Variants in PTPRG observed in about 807,000 individuals in gnomAD.
PTPRG encodes the protein receptor-type tyrosine-protein phosphatase gamma.
In PTPRG, 102 loss-of-function variants were observed where a neutral mutation model predicts 165.3. The ratio of observed to expected loss-of-function variants is 0.62; its 90% CI spans 0.53 to 0.73. The LOEUF is 0.73. Among genes scored for constraint, PTPRG ranks in the 30% least tolerant of loss-of-function variants. The pLI is 0.00. For synonymous variants in PTPRG, 675 were observed against 669.5 expected (o/e 1.01, Z -0.13); for missense variants, 1,866 against 1,861.4 (o/e 1.00, Z -0.05).
At chr3:62,061,317 G>A (rs1700802513) in intron 4 of PTPRG, among the ~76,000 whole-genome samples, 1 of 152,144 alleles carries the variant, frequency 6.6e-6, no homozygotes, top group South Asian at 2.1e-4. Flanking sequence ...GAGCAGGACT[G>A]TATTTAAGGT....
At chr3:61,893,795 G>T (rs564469764) in intron 2 of PTPRG, among the ~76,000 whole-genome samples, 1 of 152,300 alleles carries the variant, frequency 6.6e-6, no homozygotes, top group African/African-American at 2.4e-5. Flanking sequence ...CAGTTGGTAT[G>T]GTTAGGGAAC....
At chr3:62,281,540 T>TTTTTTTTTTTTTTTTTTTTTTTTTTTG in intron 26 of PTPRG, 23 bp from the exon 27 acceptor site, 1 of 1,227,132 alleles carries the variant, frequency 8.1e-7, no homozygotes, top group Non-Finnish European at 1.1e-6. Flanking sequence ...TGCAGAGGCT[T>TTTTTTTTTTTTTTTTTTTTTTTTTTTG]TTTTTTTTTT....
chr3:61,969,811 G>T (rs943202747), intron 2 of PTPRG, among the ~76,000 whole-genome samples: 18 of 152,110 alleles, frequency 1.2e-4, no homozygotes, highest in Non-Finnish European at 2.6e-4. Context: ...GGGGAGGAGG[G>T]ATACAGCGAT....
chr3:62,215,650 A>C (rs1700481553), intron 12 of PTPRG, among the ~76,000 whole-genome samples: 1 of 146,996 alleles, frequency 6.8e-6, no homozygotes, highest in South Asian at 2.2e-4. Context: ...CTGGGCTGTG[A>C]CTCAAGAGCC....
chr3:61,694,767 C>T (rs567347402), intron 1 of PTPRG, among the ~76,000 whole-genome samples: 1 of 152,180 alleles, frequency 6.6e-6, no homozygotes, highest in South Asian at 2.1e-4. Context: ...AATGATTTTC[C>T]ATCTATATAC....
chr3:61,623,922 T>A (rs906537799), intron 1 of PTPRG, among the ~76,000 whole-genome samples: 1 of 152,184 alleles, frequency 6.6e-6, no homozygotes, highest in Non-Finnish European at 1.5e-5. Context: ...ATACAGCCGC[T>A]GGTGTTTATT....
At chr3:61,675,673 C>T (rs1161446303) in intron 1 of PTPRG, among the ~76,000 whole-genome samples, 1 of 152,084 alleles carries the variant, frequency 6.6e-6, no homozygotes, top group Non-Finnish European at 1.5e-5. Context: ...TTGATGTTGG[C>T]TTCTAAATAA....
At chr3:62,253,400 A>T (rs1701465735) in intron 15 of PTPRG, among the ~76,000 whole-genome samples, 1 of 152,160 alleles carries the variant, frequency 6.6e-6, no homozygotes, top group Admixed American at 6.6e-5. Flanking sequence ...AAAGTCCTAT[A>T]GTCTACATAC....
At chr3:61,667,794 T>TA (rs60917362) in intron 1 of PTPRG, among the ~76,000 whole-genome samples, 6,820 of 141,792 alleles carry the variant, frequency 0.048, 403 homozygotes, top group African/African-American at 0.15. Flanking sequence ...TTTTTTTAAT[T>TA]AAAAAAAAAA....
Position 62,132,641 on chromosome 3 carries a change from C to T in PTPRG, c.655C>T (p.His219Tyr), listed in dbSNP as rs968467831. 3 of 1,612,286 alleles carry T rather than the reference C, an allele frequency of 1.9e-6. No individual in the cohort carries two copies. The highest frequency in any genetic ancestry group is 2.5e-6 in the Non-Finnish European group (3 of 1,178,372). Residue 219 changes from histidine to tyrosine, a missense_variant, in exon 6 of 30, where the codon CAC becomes TAC. Physicochemically the swap from His to Tyr is moderately conservative, Grantham distance 83. Transcript: ENST00000474889. ...RDNSALDPIIHGLKGVVHHEK... is the reference protein window; with the variant it reads ...RDNSALDPIIYGLKGVVHHEK... ...CAATTCTGCACTGGATCCTATTATC[C>T]ACGGGTTGAAGGGTGTCGTACATCA...
chr3:62,229,589 A>C lies in PTPRG; in HGVS notation c.2289-1636A>C, dbSNP rs143451401. The stretch of plus-strand genomic sequence containing the variant: ...GTGGGTAAATTTTTAAACCAAGCTT[A>C]CTTTTCAGGAAAGGGAAGCTCCTTG... On this transcript the variant is annotated intron_variant, in intron 13 of 29. Coordinates refer to ENST00000474889, the MANE Select transcript of PTPRG (RefSeq NM_002841.4). The surrounding 1 kb of genome is among the most constrained non-coding windows in gnomAD (Gnocchi z 4.6). Among the ~76,000 whole-genome samples the C allele has an allele frequency of 2.0e-3, 310 of 152,344 alleles. No homozygotes were observed. The highest frequency in any genetic ancestry group is 4.0e-3 in the Non-Finnish European group (269 of 68,014).
chr3:62,157,250 T>C (rs1576074692), intron 7 of PTPRG, 26 bp downstream of exon 7: 1 of 1,607,014 alleles, frequency 6.2e-7, no homozygotes, highest in Non-Finnish European at 8.5e-7. Context: ...CAAGTGGGGT[T>C]TCTGTGTTTA....
At chr3:61,968,719 CTT>C (rs1194817280) in intron 2 of PTPRG, among the ~76,000 whole-genome samples, 1 of 152,094 alleles carries the variant, frequency 6.6e-6, no homozygotes, top group Non-Finnish European at 1.5e-5. Context: ...GCCCTCTCAA[CTT>C]TACTTTCTTC....
intron 2 of PTPRG, among the ~76,000 whole-genome samples, chr3:61,917,268 C>T (rs2038964146): frequency 6.6e-6 from 1 of 152,178 alleles, no homozygotes; most frequent in Non-Finnish European, 1.5e-5. Flanking sequence ...ATTGCTATGT[C>T]AGGCTGAATA....
Position 62,218,860 on chromosome 3 carries a change from A to C in PTPRG, c.2165A>C (p.Asn722Thr). 6.2e-7 allele frequency: 1 copy of C among 1,612,146 alleles called. No homozygotes were observed. The change falls in exon 13 of 30, where the codon AAC becomes ACC. Residue 722 changes from asparagine to threonine, a missense_variant. Asn to Thr is a moderately conservative substitution (Grantham distance 65, BLOSUM62 0). This residue lies in a region of PTPRG where 1,452 missense variants were observed against 1,463.0 expected (regional missense o/e 0.99). Coordinates refer to ENST00000474889, the MANE Select transcript of PTPRG (RefSeq NM_002841.4). ...TGATTTCTCTTGGCAGCGGAAAAAA[A>C]CACCTCTGGAATGATAAGCCGCCCT... Reference protein sequence around the residue: ...RFITVNPAEKNTSGMISRPAP... With the variant: ...RFITVNPAEKTTSGMISRPAP...
intron 10 of PTPRG, among the ~76,000 whole-genome samples, chr3:62,200,331 T>C (rs1345897486): frequency 6.6e-6 from 1 of 152,176 alleles, no homozygotes; most frequent in Non-Finnish European, 1.5e-5. Flanking sequence ...AATGCAATGA[T>C]GCAATCTCTG....
chr3:62,126,011 C>T (rs889118361), intron 5 of PTPRG, among the ~76,000 whole-genome samples: 2 of 152,226 alleles, frequency 1.3e-5, no homozygotes, highest in African/African-American at 2.4e-5. Flanking sequence ...TCCTCCCTCT[C>T]TTCTGCTCTG....
chr3:61,790,967 T>G (rs1392022255), intron 2 of PTPRG, among the ~76,000 whole-genome samples: 1 of 152,182 alleles, frequency 6.6e-6, no homozygotes, highest in Non-Finnish European at 1.5e-5. Flanking sequence ...TATTTGTAAT[T>G]AAAATGAATT....
intron 2 of PTPRG, among the ~76,000 whole-genome samples, chr3:61,788,648 C>A (rs2034781732): frequency 1.3e-5 from 2 of 152,204 alleles, no homozygotes; most frequent in African/African-American, 4.8e-5. Context: ...CACTGGAGTT[C>A]TAGCTACAGT....
Sources: gnomAD v4.1 joint callset for allele counts (sites outside exome capture counted in the v4.1 genomes callset) on GRCh38, gnomAD v4.1.1 for gene constraint, gnomAD v4.1.1 regional missense constraint, Gnocchi (gnomAD v3.1) non-coding constraint, MANE v1.5 for transcripts, NCBI Gene and HGNC (gene_info 2026-07-23, HGNC 2026-07-21) for gene names.